GLRX2: variants seen among roughly 807,000 people sequenced by gnomAD.
GLRX2 encodes the protein bA101E13.1 (GRX2 glutaredoxin (thioltransferase) 2).
Under a neutral mutation model 16.4 loss-of-function variants are expected in GLRX2, and 12 were observed. The observed-to-expected ratio is 0.73, with a 90% confidence interval of 0.47 to 1.19. The LOEUF (loss-of-function observed/expected upper bound fraction) is 1.19. GLRX2 is among the 50% of genes most tolerant of loss of function. GLRX2 has a pLI of 0.00. For missense variants in GLRX2, 201 were observed against 201.8 expected, an observed-to-expected ratio of 1.00 and a Z score of 0.02; for synonymous variants, 95 against 76.2, an observed-to-expected ratio of 1.25 and a Z score of -1.28.
At chr1:193,102,074 C>T (rs560113653) in intron 1 of GLRX2, among the ~76,000 whole-genome samples, 1 of 152,178 alleles carries the variant, frequency 6.6e-6, no homozygotes, top group Admixed American at 6.5e-5. Flanking sequence ...ACAAATCTTA[C>T]AAGAGGATTA....
chr1:193,103,448 G>A (rs949234164), intron 1 of GLRX2, among the ~76,000 whole-genome samples: 1 of 152,196 alleles, frequency 6.6e-6, no homozygotes, highest in Non-Finnish European at 1.5e-5. Context: ...TCCTTGAAAT[G>A]AGCATTTTGT....
intron 1 of GLRX2, 52 bp downstream of exon 1, chr1:193,105,212 C>T (rs1159375771): frequency 7.1e-5 from 108 of 1,512,900 alleles, no homozygotes; most frequent in Non-Finnish European, 7.4e-5. Flanking sequence ...TCTCCAGACC[C>T]CCGCAAGGCC....
At position 193,096,801 on chromosome 1, in the gene GLRX2, T is replaced by A. The variant is rs546142805; in HGVS notation, c.361-42A>T. Reference sequence around the variant, plus strand: ...AGAAGAATTAGGCTTTACTCTAGTATCAGAACTAAGATCATTTCACATAAT... The same window carrying A: ...AGAAGAATTAGGCTTTACTCTAGTAACAGAACTAAGATCATTTCACATAAT... On this transcript the variant is annotated intron_variant, in intron 3 of 3. Coordinates refer to ENST00000367439, the MANE Select transcript of GLRX2 (RefSeq NM_197962.3). The A allele has an allele frequency of 1.7e-4, 249 of 1,508,108 alleles. 2 individuals carry two copies. The South Asian group carries it at 2.9e-3, about 17-fold the overall frequency. 93.4% of individuals were successfully genotyped at this position (1,508,108 alleles called of 1,614,324 possible). A position where few individuals can be genotyped will look rare whatever the true frequency, so the allele number is the denominator to read the frequency against.
At chr1:193,104,694 G>A (rs74470393) in intron 1 of GLRX2, among the ~76,000 whole-genome samples, 3 of 152,232 alleles carry the variant, frequency 2.0e-5, no homozygotes, top group African/African-American at 4.8e-5. Flanking sequence ...TATTCCAAAC[G>A]AGGAAGTGTA....
intron 2 of GLRX2, among the ~76,000 whole-genome samples, chr1:193,100,311 C>T (rs918843558): frequency 2.6e-5 from 4 of 152,080 alleles, no homozygotes; most frequent in African/African-American, 9.7e-5. Flanking sequence ...CCCATCTCTA[C>T]TAAAATACAA....
intron 2 of GLRX2, 41 bp downstream of exon 2, chr1:193,101,100 C>A: frequency 1.5e-6 from 2 of 1,308,352 alleles, no homozygotes; most frequent in Non-Finnish European, 2.2e-6. Context: ...AATTCTTTTT[C>A]TACAGAGGAA....
intron 1 of GLRX2, among the ~76,000 whole-genome samples, chr1:193,104,948 C>A (rs772358617): frequency 7.2e-5 from 11 of 152,282 alleles, no homozygotes; most frequent in Non-Finnish European, 1.2e-4. Context: ...GAATCATTCG[C>A]TCTTTCAGAG....
At chr1:193,103,268 A>T (rs1464890870) in intron 1 of GLRX2, among the ~76,000 whole-genome samples, 1 of 152,296 alleles carries the variant, frequency 6.6e-6, no homozygotes, top group Non-Finnish European at 1.5e-5. Context: ...AATTCATGGC[A>T]GTTTTGATGT....
Position 193,105,404 on chromosome 1 carries a change from C to T in GLRX2, c.-22G>A. 1 of 1,517,582 alleles carries T rather than the reference C, an allele frequency of 6.6e-7. No homozygotes were observed. The highest frequency in any genetic ancestry group is 8.8e-7 in the Non-Finnish European group (1 of 1,142,818). The allele number at this position is 1,517,582 out of a possible 1,614,324, so 94.0% of individuals were successfully genotyped here. A position where few individuals can be genotyped will look rare whatever the true frequency, so the allele number is the denominator to read the frequency against. ...TCATGGTCAGAGCCCGGATCTGCAG[C>T]GAGCTCTACTGCCGGACACCGCGGA... On this transcript the variant is annotated 5_prime_UTR_variant, in exon 1 of 4. Transcript: ENST00000367439.
In GLRX2 at chr1:193,105,370, G is replaced by T. The variant is rs771553907; in HGVS notation, c.13C>A (p.Arg5Ser). Residue 5 changes from arginine (R) to serine (S), a missense_variant, in exon 1 of 4, where the codon CGC becomes AGC. Arg to Ser is a moderately radical substitution (Grantham distance 110, BLOSUM62 -1). Coordinates refer to ENST00000367439, the MANE Select transcript of GLRX2 (RefSeq NM_197962.3). Reference protein sequence around the residue: MIWRRAALAGTRLVW... With the variant: MIWRSAALAGTRLVW... ...AGCCGCGTCCCCGCCAGCGCCGCGCGGCGCCAAATCATGGTCAGAGCCCGG... is the reference window on the plus strand; with the variant it reads ...AGCCGCGTCCCCGCCAGCGCCGCGCTGCGCCAAATCATGGTCAGAGCCCGG... 84 of 1,545,050 alleles carry T rather than the reference G, an allele frequency of 5.4e-5. 1 individual carries two copies. The South Asian group carries it at 9.9e-4, about 18-fold the overall frequency.
Position 193,105,369 on chromosome 1 carries a change from C to T in GLRX2, c.14G>A (p.Arg5His), listed in dbSNP as rs1180553885. 1 of 1,545,666 alleles carries T rather than the reference C, an allele frequency of 6.5e-7. No homozygotes were observed. Among genetic ancestry groups the T allele is most frequent in the Non-Finnish European group, 8.6e-7 (1 of 1,156,510 alleles). Residue 5 changes from arginine to histidine, a missense_variant, in exon 1 of 4, where the codon CGC becomes CAC. Transcript: ENST00000367439. ...CAGCCGCGTCCCCGCCAGCGCCGCG[C>T]GGCGCCAAATCATGGTCAGAGCCCG... is the stretch of plus-strand genomic sequence containing the variant. MIWR[R>H]AALAGTRLVW...
upstream of GLRX2, chr1:193,105,848 A>C: frequency 7.9e-7 from 1 of 1,259,914 alleles, no homozygotes; most frequent in South Asian, 2.7e-5. Context: ...GAGCCTAAAT[A>C]TATCCTCTTA....
At chr1:193,101,956 T>C (rs1675085510) in intron 1 of GLRX2, among the ~76,000 whole-genome samples, 1 of 152,016 alleles carries the variant, frequency 6.6e-6, no homozygotes, top group Admixed American at 6.6e-5. Flanking sequence ...TTTTTATCCC[T>C]GGAACCTTTT....
intron 1 of GLRX2, among the ~76,000 whole-genome samples, chr1:193,102,219 C>A (rs1231335259): frequency 6.6e-6 from 1 of 152,152 alleles, no homozygotes; most frequent in Non-Finnish European, 1.5e-5. Context: ...GCCTTCAAAT[C>A]AATACTGTAT....
At position 193,101,193 on chromosome 1, in the gene GLRX2, T is replaced by G; in HGVS notation, c.131A>C (p.Asn44Thr). Reference protein sequence around the residue: ...AAAAASGMESNTSSSLENLAT... With the variant: ...AAAAASGMESTTSSSLENLAT... ...TAAATTCTCCAAAGATGATGATGTA[T>G]TGCTCTCCATCCTAAAAGGAATTTA... The change falls in exon 2 of 4, where the codon AAT (asparagine) becomes ACT (threonine). Residue 44 changes from asparagine to threonine, a missense_variant. Asn to Thr is a moderately conservative substitution (Grantham distance 65). Coordinates refer to ENST00000367439, the MANE Select transcript of GLRX2 (RefSeq NM_197962.3). The G allele has an allele frequency of 6.2e-7, 1 of 1,601,492 alleles. No homozygotes were observed. The highest frequency in any genetic ancestry group is 8.6e-7 in the Non-Finnish European group (1 of 1,168,542).
At chr1:193,104,828 A>G (rs906809488) in intron 1 of GLRX2, among the ~76,000 whole-genome samples, 1 of 152,288 alleles carries the variant, frequency 6.6e-6, no homozygotes, top group Non-Finnish European at 1.5e-5. Flanking sequence ...GGCTAAGTTT[A>G]GCAAACAAGA....
intron 1 of GLRX2, among the ~76,000 whole-genome samples, chr1:193,105,003 A>T (rs192869771): frequency 7.2e-4 from 110 of 152,356 alleles, no homozygotes; most frequent in African/African-American, 2.4e-3. Context: ...GTAGCAATTC[A>T]CAGAGGGATG....
rs753881928 is a variant in GLRX2, at chr1:193,105,393, C to G, written c.-11G>C. 29 of 1,534,450 alleles carry G rather than the reference C, an allele frequency of 1.9e-5. No individual in the cohort carries two copies. The highest frequency in any genetic ancestry group is 3.8e-5 in the Admixed American group (2 of 52,246). On this transcript the variant is annotated 5_prime_UTR_variant, in exon 1 of 4. Transcript: ENST00000367439. Reference sequence around the variant, plus strand: ...GCGGCGCCAAATCATGGTCAGAGCCCGGATCTGCAGCGAGCTCTACTGCCG... The same window carrying G: ...GCGGCGCCAAATCATGGTCAGAGCCGGGATCTGCAGCGAGCTCTACTGCCG...
At chr1:193,105,207 A>G in intron 1 of GLRX2, 57 bp downstream of exon 1, 1 of 1,506,670 alleles carries the variant, frequency 6.6e-7, no homozygotes, top group Non-Finnish European at 8.8e-7. Context: ...CGCTTTCTCC[A>G]GACCCCCGCA....
Sources: gnomAD v4.1 joint callset for allele counts (sites outside exome capture counted in the v4.1 genomes callset) on GRCh38, gnomAD v4.1.1 for gene constraint, MANE v1.5 for transcripts, NCBI Gene and HGNC (gene_info 2026-07-23, HGNC 2026-07-21) for gene names.